The following KIAA0825 variants were observed in gnomAD, a reference collection of about 807,000 sequenced individuals.
KIAA0825 encodes KIAA0825.
KIAA0825 carries 119 observed loss-of-function variants against 147.6 expected under a neutral mutation model. The ratio of observed to expected loss-of-function variants is 0.81; its 90% CI spans 0.69 to 0.94. The LOEUF (loss-of-function observed/expected upper bound fraction) is 0.94, where lower values mean the gene tolerates loss of function less well. Among genes scored for constraint, KIAA0825 ranks in the 40% least tolerant of loss-of-function variants. The pLI is 0.00. For missense variants in KIAA0825, 1,381 were observed against 1,472.7 expected (o/e 0.94, Z 1.02); for synonymous variants, 470 against 518.1 (o/e 0.91, Z 1.26).
intron 15 of KIAA0825, chr5:94,415,372 CTGTATTACTTGTAACAA>C (rs1448898846): frequency 6.6e-6 from 1 of 152,042 alleles, no homozygotes; most frequent in Admixed American, 6.6e-5. Context: ...CATGTCTCAG[CTGTATTACTTGTAACAA>C]TGTTATGTTT....
chr5:94,236,349 A>G (rs531890137), intron 20 of KIAA0825, among the ~76,000 whole-genome samples: 12 of 152,348 alleles, frequency 7.9e-5, no homozygotes, highest in Admixed American at 7.2e-4. Context: ...AAACAGCAGG[A>G]GAACTTGAAT....
At chr5:94,494,653 A>G (rs1239806887) in intron 5 of KIAA0825, among the ~76,000 whole-genome samples, 1 of 152,198 alleles carries the variant, frequency 6.6e-6, no homozygotes, top group Admixed American at 6.5e-5. Flanking sequence ...TAATGAAAAT[A>G]TCTTCCTAGT....
intron 20 of KIAA0825, among the ~76,000 whole-genome samples, chr5:94,175,119 T>C (rs569170892): frequency 6.6e-6 from 1 of 152,326 alleles, no homozygotes; most frequent in Non-Finnish European, 1.5e-5. Context: ...AGATCACTGG[T>C]ACTTTCCCTG....
At chr5:94,597,736 T>C (rs1785565287) in intron 1 of KIAA0825, among the ~76,000 whole-genome samples, 1 of 152,164 alleles carries the variant, frequency 6.6e-6, no homozygotes, top group South Asian at 2.1e-4. Context: ...ACATCAATGG[T>C]ATAGCCTACT....
At chr5:94,424,147 G>C (rs966163008) in intron 14 of KIAA0825, among the ~76,000 whole-genome samples, 1 of 152,018 alleles carries the variant, frequency 6.6e-6, no homozygotes, top group African/African-American at 2.4e-5. Flanking sequence ...CTGTATAACT[G>C]TCCATAAAAA....
At chr5:94,437,351 A>C (rs1338421450) in intron 14 of KIAA0825, among the ~76,000 whole-genome samples, 1 of 152,212 alleles carries the variant, frequency 6.6e-6, no homozygotes, top group Non-Finnish European at 1.5e-5. Flanking sequence ...CAGTAAATTC[A>C]GTCACTTTAT....
chr5:94,542,442 T>A lies in KIAA0825; in HGVS notation c.-1-5315A>T, dbSNP rs193210684. Among the ~76,000 whole-genome samples the A allele has an allele frequency of 6.6e-5, 10 of 152,340 alleles. No homozygotes were observed. The East Asian group carries it at 1.9e-3, about 29-fold the overall frequency. ...TATTTGTTTCTCTCCATGTGATTTC[T>A]CCAGAATTTGGAAACTATTTGTGAA... On this transcript the variant is annotated intron_variant, in intron 2 of 20. Coordinates refer to ENST00000682413, the MANE Select transcript of KIAA0825 (RefSeq NM_001145678.3).
At chr5:94,224,082 CTTTTTTTTTTTTT>C (rs869059424) in intron 20 of KIAA0825, among the ~76,000 whole-genome samples, 8 of 56,474 alleles carry the variant, frequency 1.4e-4, no homozygotes, top group African/African-American at 4.1e-4. Context: ...TTTTTCTTTT[CTTTTTTTTTTTTT>C]TTTTTTTTTT....
intron 20 of KIAA0825, among the ~76,000 whole-genome samples, chr5:94,190,707 A>C (rs1770603964): frequency 6.6e-6 from 1 of 151,762 alleles, no homozygotes; most frequent in Non-Finnish European, 1.5e-5. Context: ...TATTGCAATG[A>C]CTACATTTTT....
Position 94,473,573 on chromosome 5 carries a change from T to C in KIAA0825, c.1228-54A>G. The C allele has an allele frequency of 3.7e-6, 4 of 1,092,876 alleles. 1 individual carries two copies. The Middle Eastern group carries it at 8.1e-4, about 221-fold the overall frequency. The allele number at this position is 1,092,876 out of a possible 1,614,324, so 67.7% of individuals were successfully genotyped here. On this transcript the variant is annotated intron_variant, in intron 7 of 20. Coordinates refer to ENST00000682413, the MANE Select transcript of KIAA0825 (RefSeq NM_001145678.3). The stretch of plus-strand genomic sequence containing the variant: ...TTAATCTTAACTCAGCAACAAATGT[T>C]TCTATTGTTATAGATATAAAATTAT...
chr5:94,582,730 C>T (rs1314868089), intron 1 of KIAA0825, 147 bp from the exon 2 acceptor site: 1 of 152,042 alleles, frequency 6.6e-6, no homozygotes, highest in East Asian at 1.9e-4. Flanking sequence ...TGGAAATACA[C>T]AAAAACATCC....
At chr5:94,394,474 T>C (rs1750354475) in intron 17 of KIAA0825, among the ~76,000 whole-genome samples, 1 of 152,152 alleles carries the variant, frequency 6.6e-6, no homozygotes, top group Non-Finnish European at 1.5e-5. Flanking sequence ...GCTCGACAAC[T>C]CCCCGTATAG....
At chr5:94,512,970 G>C (rs1368041876) in intron 5 of KIAA0825, among the ~76,000 whole-genome samples, 1 of 152,086 alleles carries the variant, frequency 6.6e-6, no homozygotes, top group Non-Finnish European at 1.5e-5. Context: ...CAAAGTTTTA[G>C]GAAGTTTAGA....
chr5:94,308,035 A>G (rs561228400), intron 20 of KIAA0825, among the ~76,000 whole-genome samples: 1 of 151,904 alleles, frequency 6.6e-6, no homozygotes, highest in Admixed American at 6.6e-5. Flanking sequence ...AGTCTTTTTC[A>G]CTGCAGATAA....
chr5:94,346,440 C>T (rs1782995824), intron 20 of KIAA0825, among the ~76,000 whole-genome samples: 1 of 152,058 alleles, frequency 6.6e-6, no homozygotes, highest in African/African-American at 2.4e-5. Flanking sequence ...ATTCACAGAC[C>T]CTCCAAAGGA....
intron 14 of KIAA0825, among the ~76,000 whole-genome samples, chr5:94,428,482 T>C (rs1481371358): frequency 6.6e-6 from 1 of 152,158 alleles, no homozygotes. Context: ...CTGGGAAAGA[T>C]TTTATTTCTC....
intron 15 of KIAA0825, among the ~76,000 whole-genome samples, chr5:94,405,612 T>G (rs1190528356): frequency 6.6e-6 from 1 of 152,242 alleles, no homozygotes; most frequent in Non-Finnish European, 1.5e-5. Context: ...GCTTCATAAC[T>G]TTAGCTGTTA....
chr5:94,172,259 A>T (rs1768692420), intron 20 of KIAA0825, among the ~76,000 whole-genome samples: 1 of 152,200 alleles, frequency 6.6e-6, no homozygotes, highest in Non-Finnish European at 1.5e-5. Flanking sequence ...TACTTGTCTG[A>T]AATTCATTAT....
chr5:94,470,085 C>G lies in KIAA0825; in HGVS notation c.1748G>C (p.Arg583Pro). The change falls in exon 10 of 21, where the codon CGA becomes CCA. Residue 583 changes from arginine (R) to proline (P), a missense_variant. Arg to Pro is a moderately radical substitution (Grantham distance 103). Coordinates refer to ENST00000682413, the MANE Select transcript of KIAA0825 (RefSeq NM_001145678.3). ...TAGAGTGTTGATGAATTCCTGATAT[C>G]GTTGGACAAGCACCAGGAATATGGG... is the stretch of plus-strand genomic sequence containing the variant. Reference protein sequence around the residue: ...KKPIFLVLVQRYQEFINTLQF... With the variant: ...KKPIFLVLVQPYQEFINTLQF... 6.4e-7 allele frequency: 1 copy of G among 1,551,374 alleles called. No homozygotes were observed. The highest frequency in any genetic ancestry group is 8.7e-7 in the Non-Finnish European group (1 of 1,146,874).
Sources: allele counts gnomAD v4.1 joint callset (sites outside exome capture counted in the v4.1 genomes callset), GRCh38; gene constraint gnomAD v4.1.1; transcripts MANE v1.5; gene names NCBI Gene and HGNC (gene_info 2026-07-23, HGNC 2026-07-21).